TOMM70: variants seen among roughly 807,000 people sequenced by gnomAD.
TOMM70 encodes the protein mitochondrial import receptor subunit TOM70.
In TOMM70, 13 loss-of-function variants were observed where a neutral mutation model predicts 73.6. The ratio of observed to expected loss-of-function variants is 0.18; its 90% CI spans 0.11 to 0.28. TOMM70 has a LOEUF of 0.28. Among genes scored for constraint, TOMM70 ranks in the 10% least tolerant of loss-of-function variants. The pLI is 1.00. For synonymous variants in TOMM70, 257 were observed against 271.2 expected (o/e 0.95, Z 0.51); for missense variants, 609 against 747.5 (o/e 0.81, Z 2.16).
chr3:100,378,062 T>C lies in TOMM70; in HGVS notation c.885-150A>G, dbSNP rs746460059. On this transcript the variant is annotated intron_variant, in intron 5 of 11. Coordinates refer to ENST00000284320, the MANE Select transcript of TOMM70 (RefSeq NM_014820.5). Reference sequence around the variant, plus strand: ...GCATTCGAGACCAGCCTGGCCAACATGGTGAAACCCGTCTCTACTAAAAAT... The same window carrying C: ...GCATTCGAGACCAGCCTGGCCAACACGGTGAAACCCGTCTCTACTAAAAAT... 5.9e-4 allele frequency: 359 copies of C among 603,506 alleles called. 2 individuals are homozygous for C. Among genetic ancestry groups the C allele is most frequent in the East Asian group, 1.1e-3 (35 of 33,176 alleles). The allele number at this position is 603,506 out of a possible 1,614,324, so 37.4% of individuals were successfully genotyped here.
chr3:100,371,168 T>C (rs1326289093), intron 9 of TOMM70, among the ~76,000 whole-genome samples: 1 of 152,052 alleles, frequency 6.6e-6, no homozygotes, highest in Non-Finnish European at 1.5e-5. Context: ...AAATTGTTCT[T>C]ATAACCTGCC....
intron 1 of TOMM70, among the ~76,000 whole-genome samples, chr3:100,394,723 G>T (rs1004983625): frequency 2.0e-5 from 3 of 152,006 alleles, no homozygotes; most frequent in African/African-American, 7.2e-5. Flanking sequence ...GGCCAGTCTT[G>T]AACTCCTGCC....
At chr3:100,399,787 G>C (rs1014232016) in intron 1 of TOMM70, among the ~76,000 whole-genome samples, 1 of 151,090 alleles carries the variant, frequency 6.6e-6, no homozygotes, top group Non-Finnish European at 1.5e-5. Flanking sequence ...CTGGGGCAGG[G>C]GGCTGTGTGC....
rs1706533177 is a variant in TOMM70, at chr3:100,373,609, C to T, written c.1264G>A (p.Ala422Thr). The change falls in exon 8 of 12, where the codon GCA becomes ACA. Residue 422 changes from alanine (A) to threonine (T), a missense_variant. By Grantham distance (58) the Ala-to-Thr change is moderately conservative. This residue lies in a region of TOMM70 where 432 missense variants were observed against 584.1 expected (regional missense o/e 0.74). Coordinates refer to ENST00000284320, the MANE Select transcript of TOMM70 (RefSeq NM_014820.5). ...AACCTAATACATTCATCAAAATCTG[C>T]CACTGCTTCTTCAACTTGATCAAGG... ...ILLDQVEEAV[A>T]DFDECIRLRP... 1 of 1,613,000 alleles carries T rather than the reference C, an allele frequency of 6.2e-7. No individual in the cohort carries two copies. The highest frequency in any genetic ancestry group is 8.5e-7 in the Non-Finnish European group (1 of 1,179,480).
At chr3:100,373,855 A>G (rs1706535950) in intron 7 of TOMM70, 1 of 404,996 alleles carries the variant, frequency 2.5e-6, no homozygotes, top group Admixed American at 4.5e-5. Context: ...TATAGAAAGG[A>G]CTACAAGCCA....
intron 1 of TOMM70, among the ~76,000 whole-genome samples, chr3:100,394,821 TA>T (rs1706803807): frequency 6.6e-6 from 1 of 152,128 alleles, no homozygotes; most frequent in African/African-American, 2.4e-5. Context: ...GTTACTTTCA[TA>T]TGAATCAAAC....
Position 100,364,262 on chromosome 3 carries a change from C to T in TOMM70, c.*1302G>A, listed in dbSNP as rs1706423976. On this transcript the variant is annotated 3_prime_UTR_variant, in exon 12 of 12. Coordinates refer to ENST00000284320, the MANE Select transcript of TOMM70 (RefSeq NM_014820.5). ...GAAGACCTGGACCTGGGTAGTTAGT[C>T]CTTAGAGATCAAGGTTAGCTCACTA... 6.6e-6 allele frequency: 1 copy of T among 152,110 alleles called. No homozygotes were observed. The highest frequency in any genetic ancestry group is 1.5e-5 in the Non-Finnish European group (1 of 68,022). 9.4% of individuals were successfully genotyped at this position (152,110 alleles called of 1,614,324 possible).
At chr3:100,390,092 T>C (rs975020703) in intron 1 of TOMM70, among the ~76,000 whole-genome samples, 2 of 152,184 alleles carry the variant, frequency 1.3e-5, no homozygotes, top group African/African-American at 4.8e-5. Flanking sequence ...CATGCACCAC[T>C]GGCTCCAAGA....
Position 100,377,985 on chromosome 3 carries a change from G to A in TOMM70, c.885-73C>T, listed in dbSNP as rs1380634289. 76 of 1,354,314 alleles carry A rather than the reference G, an allele frequency of 5.6e-5. 1 individual carries two copies. In the South Asian group the frequency reaches 6.3e-4, roughly 11 times the overall value. 83.9% of individuals were successfully genotyped at this position (1,354,314 alleles called of 1,614,324 possible). On this transcript the variant is annotated intron_variant, in intron 5 of 11. Coordinates refer to ENST00000284320, the MANE Select transcript of TOMM70 (RefSeq NM_014820.5). ...AATGTGGCTGGGTGTGGTGGCTCAC[G>A]CCTGTAATCCCAGCACTTTGGGAGG...
At chr3:100,400,490 G>C in intron 1 of TOMM70, 136 bp downstream of exon 1, 1 of 921,978 alleles carries the variant, frequency 1.1e-6, no homozygotes, top group Non-Finnish European at 1.6e-6. Flanking sequence ...AGCCAGAAAT[G>C]AGTCTCCCTA....
intron 1 of TOMM70, among the ~76,000 whole-genome samples, chr3:100,395,970 T>C (rs1706821297): frequency 6.6e-6 from 1 of 151,490 alleles, no homozygotes; most frequent in African/African-American, 2.4e-5. Context: ...AAATGACCTC[T>C]GTATTGTGAT....
At position 100,365,416 on chromosome 3, in the gene TOMM70, T is replaced by C. The variant is rs1706438044; in HGVS notation, c.*148A>G. 1 of 1,227,902 alleles carries C rather than the reference T, an allele frequency of 8.1e-7. No homozygotes were observed. The highest frequency in any genetic ancestry group is 1.5e-5 in the African/African-American group (1 of 66,036). 76.1% of individuals were successfully genotyped at this position (1,227,902 alleles called of 1,614,324 possible). ...CTTCAACAGCCACACCCACAACACC[T>C]AGACATGAAACAGATGTAACAAATA... On this transcript the variant is annotated 3_prime_UTR_variant, in exon 12 of 12. Coordinates refer to ENST00000284320, the MANE Select transcript of TOMM70 (RefSeq NM_014820.5).
chr3:100,371,949 G>T (rs1213387126), intron 9 of TOMM70: 1 of 152,202 alleles, frequency 6.6e-6, no homozygotes, highest in African/African-American at 2.4e-5. Flanking sequence ...AGAGTATTGA[G>T]ATGGCTAGTT....
intron 9 of TOMM70, 151 bp downstream of exon 9, chr3:100,372,455 C>T (rs142729393): frequency 5.1e-6 from 3 of 582,750 alleles, no homozygotes; most frequent in Admixed American, 5.7e-5. Context: ...TGAGGTGATT[C>T]GGGACCAACC....
chr3:100,372,273 A>G (rs1256330351), intron 9 of TOMM70: 6 of 200,250 alleles, frequency 3.0e-5, no homozygotes, highest in Non-Finnish European at 6.0e-5. Flanking sequence ...ATAGAAAGAA[A>G]AGCCTTTCCG....
chr3:100,378,036 GGCATTC>G, intron 5 of TOMM70, 124 bp from the exon 6 acceptor site: 1 of 730,808 alleles, frequency 1.4e-6, no homozygotes, highest in Non-Finnish European at 2.2e-6. Flanking sequence ...CACGAGGTCA[GGCATTC>G]GAGACCAGCC....
intron 6 of TOMM70, among the ~76,000 whole-genome samples, chr3:100,376,418 A>G (rs1232002903): frequency 1.5e-5 from 2 of 137,912 alleles, no homozygotes; most frequent in African/African-American, 6.2e-5. Context: ...GCTGGAGTAC[A>G]GTGGCACAAG....
intron 1 of TOMM70, among the ~76,000 whole-genome samples, chr3:100,390,344 G>GTAT (rs1706744345): frequency 6.6e-6 from 1 of 152,284 alleles, no homozygotes; most frequent in African/African-American, 2.4e-5. Flanking sequence ...AAAATGTACA[G>GTAT]TTATACACCA....
chr3:100,366,203 C>T (rs1424110058), intron 11 of TOMM70, among the ~76,000 whole-genome samples: 3 of 152,192 alleles, frequency 2.0e-5, no homozygotes, highest in Non-Finnish European at 4.4e-5. Flanking sequence ...TCTGTTTCAT[C>T]TCTTACCAGC....
Sources: gnomAD v4.1 joint callset for allele counts (sites outside exome capture counted in the v4.1 genomes callset) on GRCh38, gnomAD v4.1.1 for gene constraint, gnomAD v4.1.1 regional missense constraint, MANE v1.5 for transcripts, NCBI Gene and HGNC (gene_info 2026-07-23, HGNC 2026-07-21) for gene names.